The following NBAS variants were observed in gnomAD, a reference collection of about 807,000 sequenced individuals.
NBAS encodes NAG/BC035112 fusion.
Under a neutral mutation model 302.5 loss-of-function variants are expected in NBAS, and 219 were observed. The ratio of observed to expected loss-of-function variants is 0.72; its 90% CI spans 0.65 to 0.81. The LOEUF (loss-of-function observed/expected upper bound fraction) is 0.81. NBAS is among the 30% of genes least tolerant of loss of function. The probability of loss-of-function intolerance (pLI) is 0.00; values close to 1 mark genes in which losing one functional copy is unlikely to be tolerated. For missense variants in NBAS, 2,932 were observed against 2,841.6 expected, an observed-to-expected ratio of 1.03 and a Z score of -0.72; for synonymous variants, 1,118 against 1,021.6, an observed-to-expected ratio of 1.09 and a Z score of -1.80.
chr2:15,146,428 G>T, the NBAS span, among the ~76,000 whole-genome samples: 3 of 152,110 alleles, frequency 2.0e-5, no homozygotes, highest in Non-Finnish European at 2.9e-5. Context: ...TGTGATGATG[G>T]ACTGCAGACG....
chr2:15,489,104 T>C, intron 11 of NBAS, 82 bp from the exon 12 acceptor site: 3 of 1,461,176 alleles, frequency 2.1e-6, no homozygotes, highest in Non-Finnish European at 2.8e-6. Context: ...TCTTTAGAGG[T>C]GCCAAGTTAT....
intron 48 of NBAS, among the ~76,000 whole-genome samples, chr2:15,204,794 G>T (rs937479974): frequency 6.6e-6 from 1 of 152,252 alleles, no homozygotes; most frequent in African/African-American, 2.4e-5. Context: ...TCACTCATAG[G>T]TGGGAATTGA....
chr2:14,965,292 C>A, the NBAS span, among the ~76,000 whole-genome samples: 3 of 152,012 alleles, frequency 2.0e-5, no homozygotes, highest in Non-Finnish European at 2.9e-5. Flanking sequence ...CCCCCCTACC[C>A]AGACTGGTTA....
At chr2:14,929,498 C>T in the NBAS span, among the ~76,000 whole-genome samples, 1 of 152,200 alleles carries the variant, frequency 6.6e-6, no homozygotes, top group Non-Finnish European at 1.5e-5. Context: ...CTGCCTTAGC[C>T]TCTTGAGTAG....
intron 47 of NBAS, among the ~76,000 whole-genome samples, chr2:15,221,280 C>T (rs1210309898): frequency 6.6e-6 from 1 of 152,152 alleles, no homozygotes; most frequent in Non-Finnish European, 1.5e-5. Flanking sequence ...TATTATCCTT[C>T]CCAGGTTATA....
the NBAS span, among the ~76,000 whole-genome samples, chr2:14,937,431 G>C: frequency 6.6e-6 from 1 of 152,128 alleles, no homozygotes; most frequent in African/African-American, 2.4e-5. Context: ...CAATTCATGA[G>C]GAGCTGCTCC....
intron 9 of NBAS, among the ~76,000 whole-genome samples, chr2:15,524,349 A>G (rs547597647): frequency 4.3e-4 from 66 of 152,336 alleles, no homozygotes; most frequent in African/African-American, 1.5e-3. Context: ...TGCCCCACAC[A>G]GGTTTTGCAA....
At chr2:15,175,336 G>C (rs988282376) in intron 51 of NBAS, among the ~76,000 whole-genome samples, 7 of 152,164 alleles carry the variant, frequency 4.6e-5, no homozygotes, top group African/African-American at 1.7e-4. Context: ...CCTGGGATGA[G>C]GGGTTGCATA....
At chr2:15,085,493 C>A in the NBAS span, among the ~76,000 whole-genome samples, 1 of 152,162 alleles carries the variant, frequency 6.6e-6, no homozygotes, top group Admixed American at 6.5e-5. Flanking sequence ...GGCGGTATCA[C>A]CCCTGCCCCA....
chr2:15,155,397 T>A, the NBAS span, among the ~76,000 whole-genome samples: 2 of 152,142 alleles, frequency 1.3e-5, no homozygotes, highest in Admixed American at 6.5e-5. Context: ...CAACAGGCAA[T>A]GTGTTGGGGA....
At chr2:15,400,381 A>C (rs1224401517) in intron 26 of NBAS, among the ~76,000 whole-genome samples, 1 of 152,180 alleles carries the variant, frequency 6.6e-6, no homozygotes, top group East Asian at 1.9e-4. Context: ...TATTAAAAGG[A>C]AAATAAATCA....
intron 44 of NBAS, among the ~76,000 whole-genome samples, chr2:15,256,460 GT>G (rs1429578934): frequency 2.0e-5 from 3 of 152,094 alleles, no homozygotes; most frequent in Non-Finnish European, 4.4e-5. Flanking sequence ...AGTCGTTAGG[GT>G]TTTCAAGGTA....
chr2:15,328,824 G>T lies in NBAS; in HGVS notation c.4348-512C>A, dbSNP rs1021551824. Among the ~76,000 whole-genome samples the T allele has an allele frequency of 4.6e-5, 7 of 152,102 alleles. 1 individual carries two copies. The highest frequency in any genetic ancestry group is 2.0e-4 in the Admixed American group (3 of 15,256). On this transcript the variant is annotated intron_variant, in intron 36 of 51. Coordinates refer to ENST00000281513, the MANE Select transcript of NBAS (RefSeq NM_015909.4). The stretch of plus-strand genomic sequence containing the variant: ...GCTAACTTTCCACCTCAACCAAACT[G>T]CCTGCTTTATGCATCCTATCCGCTT...
At chr2:14,865,463 C>T in the NBAS span, among the ~76,000 whole-genome samples, 1 of 152,060 alleles carries the variant, frequency 6.6e-6, no homozygotes, top group Admixed American at 6.6e-5. Flanking sequence ...ACTTCACTGT[C>T]TTAGACAAGT....
chr2:15,525,603 A>G (rs1662880012), intron 9 of NBAS, among the ~76,000 whole-genome samples: 1 of 152,206 alleles, frequency 6.6e-6, no homozygotes, highest in South Asian at 2.1e-4. Context: ...AAGGGTCATC[A>G]AGGAATTTGA....
At chr2:15,178,291 C>T (rs1187967212) in intron 51 of NBAS, 3 of 341,394 alleles carry the variant, frequency 8.8e-6, no homozygotes, top group East Asian at 8.0e-5. Context: ...GACATACATA[C>T]ACTTCAAATG....
chr2:15,108,719 T>C, the NBAS span, among the ~76,000 whole-genome samples: 3 of 152,146 alleles, frequency 2.0e-5, no homozygotes, highest in African/African-American at 7.2e-5. Context: ...TTGAAATCCA[T>C]AATTGATTGC....
At chr2:15,462,746 T>C (rs1679559695) in intron 19 of NBAS, among the ~76,000 whole-genome samples, 1 of 152,114 alleles carries the variant, frequency 6.6e-6, no homozygotes, top group South Asian at 2.1e-4. Context: ...TCAGGAGTTC[T>C]GGACTAAGAT....
downstream of NBAS, among the ~76,000 whole-genome samples, chr2:15,166,081 A>G (rs1664014199): frequency 6.6e-6 from 1 of 152,176 alleles, no homozygotes; most frequent in African/African-American, 2.4e-5. Flanking sequence ...TAGAGCCTCC[A>G]CCATCAAGCA....
Sources: gnomAD v4.1 joint callset for allele counts (sites outside exome capture counted in the v4.1 genomes callset) on GRCh38, gnomAD v4.1.1 for gene constraint, MANE v1.5 for transcripts, NCBI Gene and HGNC (gene_info 2026-07-23, HGNC 2026-07-21) for gene names.